NR5A2: variants seen among roughly 807,000 people sequenced by gnomAD.
NR5A2 encodes nuclear receptor subfamily 5 group A member 2.
A neutral mutation model predicts 62.7 loss-of-function variants in NR5A2; 26 were observed. The ratio of observed to expected loss-of-function variants is 0.41; its 90% CI spans 0.30 to 0.58. The LOEUF (loss-of-function observed/expected upper bound fraction) is 0.58. NR5A2 is among the 20% of genes least tolerant of loss of function. The pLI is 0.22. For missense variants in NR5A2, 541 were observed against 669.1 expected (o/e 0.81, Z 2.11); for synonymous variants, 246 against 241.7 (o/e 1.02, Z -0.16).
chr1:200,094,883 C>G (rs1181155259), intron 5 of NR5A2, among the ~76,000 whole-genome samples: 1 of 151,970 alleles, frequency 6.6e-6, no homozygotes, highest in East Asian at 1.9e-4. Flanking sequence ...GAAAAAATAG[C>G]CTTTTTAGAC....
chr1:200,169,099 C>T (rs895727247), intron 7 of NR5A2, among the ~76,000 whole-genome samples: 10 of 151,896 alleles, frequency 6.6e-5, no homozygotes, highest in African/African-American at 9.7e-5. Context: ...TTACTGGGAC[C>T]GGGAGTAGCT....
At chr1:200,083,504 G>T (rs980833995) in intron 5 of NR5A2, among the ~76,000 whole-genome samples, 1 of 152,136 alleles carries the variant, frequency 6.6e-6, no homozygotes, top group South Asian at 2.1e-4. Flanking sequence ...TGCATTTTAT[G>T]GATTCCTGTA....
intron 7 of NR5A2, among the ~76,000 whole-genome samples, chr1:200,146,070 ATAAAAT>A (rs1356345093): frequency 6.6e-6 from 1 of 152,218 alleles, no homozygotes; most frequent in African/African-American, 2.4e-5. Context: ...TGTAAATGAA[ATAAAAT>A]TATAGGATTC....
intron 5 of NR5A2, among the ~76,000 whole-genome samples, chr1:200,081,896 TA>T (rs551227478): frequency 1.0e-4 from 15 of 148,130 alleles, no homozygotes; most frequent in Admixed American, 1.4e-4. Context: ...TTACCCATAT[TA>T]AAAAAAAAAC....
At chr1:200,090,070 G>A (rs1011926385) in intron 5 of NR5A2, among the ~76,000 whole-genome samples, 5 of 152,130 alleles carry the variant, frequency 3.3e-5, no homozygotes, top group Admixed American at 1.3e-4. Flanking sequence ...TAAGATGATC[G>A]CAATTGCACA....
chr1:200,151,396 T>C (rs192443685), intron 7 of NR5A2, among the ~76,000 whole-genome samples: 41 of 152,338 alleles, frequency 2.7e-4, no homozygotes, highest in African/African-American at 9.9e-4. Flanking sequence ...GCTTTCCTTT[T>C]CTATTGATGT....
chr1:200,103,108 A>G (rs1190412695), intron 5 of NR5A2, among the ~76,000 whole-genome samples: 4 of 147,592 alleles, frequency 2.7e-5, no homozygotes, highest in Non-Finnish European at 5.9e-5. Context: ...AAATGAGTTC[A>G]TGCATGTAAA....
chr1:200,123,894 T>A (rs1392634833), intron 7 of NR5A2, among the ~76,000 whole-genome samples: 1 of 151,522 alleles, frequency 6.6e-6, no homozygotes, highest in Admixed American at 6.6e-5. Context: ...CTCCGCCTCC[T>A]GGGTTCAAGT....
chr1:200,036,235 C>T (rs1661773962), intron 1 of NR5A2, among the ~76,000 whole-genome samples: 1 of 152,172 alleles, frequency 6.6e-6, no homozygotes, highest in Non-Finnish European at 1.5e-5. Context: ...CCTCGGGAAC[C>T]CAGAACCATT....
rs565572395 is a variant in NR5A2, at chr1:200,142,505, C to CT, written c.1378+21558dup. Among the ~76,000 whole-genome samples the CT allele has an allele frequency of 4.1e-3, 628 of 151,666 alleles. 3 individuals are homozygous for CT. Among genetic ancestry groups the CT allele is most frequent in the African/African-American group, 5.1e-3 (209 of 41,318 alleles). ...GCCACTGCGCCCAGCCTAAAGACTT[C>CT]TTTTTTTTAAAAAAAAATTATTATT... On this transcript the variant is annotated intron_variant, in intron 7 of 7. Coordinates refer to ENST00000367362, the MANE Select transcript of NR5A2 (RefSeq NM_205860.3).
intron 6 of NR5A2, among the ~76,000 whole-genome samples, chr1:200,114,559 G>T (rs1196072759): frequency 2.0e-5 from 3 of 152,086 alleles, no homozygotes; most frequent in Non-Finnish European, 4.4e-5. Flanking sequence ...TACCTTTTGA[G>T]GTTCAGTGTC....
rs569134471 is a variant in NR5A2 at position 200,050,208 on chromosome 1, C to G, written c.1110+1390C>G. On this transcript the variant is annotated intron_variant, in intron 5 of 7. Transcript: ENST00000367362. ...GAACATTTTTCATGAAAAAACAAAC[C>G]ATGCAAACACTTTCCTGATATTCTT... Among the ~76,000 whole-genome samples the G allele has an allele frequency of 1.7e-3, 257 of 152,268 alleles. 14 individuals carry two copies. The highest frequency in any genetic ancestry group is 1.4e-3 in the Non-Finnish European group (96 of 68,024).
intron 7 of NR5A2, among the ~76,000 whole-genome samples, chr1:200,142,875 A>G (rs1364528805): frequency 6.6e-6 from 1 of 152,102 alleles, no homozygotes; most frequent in East Asian, 1.9e-4. Flanking sequence ...TAGATGAATA[A>G]TATCTCTATT....
Position 200,039,507 on chromosome 1 carries a change from C to A in NR5A2, c.65-151C>A. 9.5e-7 allele frequency: 1 copy of A among 1,052,956 alleles called. No homozygotes were observed. The highest frequency in any genetic ancestry group is 1.4e-6 in the Non-Finnish European group (1 of 736,208). 65.2% of individuals were successfully genotyped at this position (1,052,956 alleles called of 1,614,324 possible). A position where few individuals can be genotyped will look rare whatever the true frequency, so the allele number is the denominator to read the frequency against. On this transcript the variant is annotated intron_variant, in intron 1 of 7. Coordinates refer to ENST00000367362, the MANE Select transcript of NR5A2 (RefSeq NM_205860.3). The surrounding 1 kb of genome is among the most constrained non-coding windows in gnomAD (Gnocchi z 5.1). Reference sequence around the variant, plus strand: ...TCGCAGCTTGGGGGCGGCTCCGGAGCTGCGAGACCGGACAGGGCTCAGAGG... The same window carrying A: ...TCGCAGCTTGGGGGCGGCTCCGGAGATGCGAGACCGGACAGGGCTCAGAGG...
chr1:200,062,227 T>TTA (rs1553267511), intron 5 of NR5A2, among the ~76,000 whole-genome samples: 22 of 145,756 alleles, frequency 1.5e-4, no homozygotes, highest in African/African-American at 5.1e-4. Context: ...CTGGCAGATT[T>TTA]TGTGTGTGTG....
chr1:200,069,181 T>A (rs1237509094), intron 5 of NR5A2, among the ~76,000 whole-genome samples: 1 of 151,682 alleles, frequency 6.6e-6, no homozygotes, highest in Non-Finnish European at 1.5e-5. Context: ...ATTTTTAATA[T>A]GTATATCAAA....
rs189492143 is a variant in NR5A2, at chr1:200,171,417, G to A, written c.1379-2546G>A. Among the ~76,000 whole-genome samples, 89 of 152,150 alleles carry A rather than the reference G, an allele frequency of 5.8e-4. No individual in the cohort carries two copies. The East Asian group carries it at 0.015, about 25-fold the overall frequency. On this transcript the variant is annotated intron_variant, in intron 7 of 7. Coordinates refer to ENST00000367362, the MANE Select transcript of NR5A2 (RefSeq NM_205860.3). ...AATTGCACATATTTCCCAAGTTTTGGGGGAAAAGGGTGTCAGTTTGGACCA... is the reference window on the plus strand; with the variant it reads ...AATTGCACATATTTCCCAAGTTTTGAGGGAAAAGGGTGTCAGTTTGGACCA...
chr1:200,040,960 G>C (rs919319917), intron 2 of NR5A2, among the ~76,000 whole-genome samples: 10 of 152,232 alleles, frequency 6.6e-5, no homozygotes, highest in African/African-American at 2.4e-4. Context: ...GAGTCCCCTA[G>C]AGCTGAAGCC....
At chr1:200,034,542 G>T (rs893681185) in intron 1 of NR5A2, among the ~76,000 whole-genome samples, 2 of 142,498 alleles carry the variant, frequency 1.4e-5, no homozygotes, top group African/African-American at 2.6e-5. Context: ...CCGATATCCA[G>T]GCCAAACTCT....
Sources: allele counts gnomAD v4.1 joint callset (sites outside exome capture counted in the v4.1 genomes callset), GRCh38; gene constraint gnomAD v4.1.1; non-coding constraint Gnocchi (gnomAD v3.1); transcripts MANE v1.5; gene names NCBI Gene and HGNC (gene_info 2026-07-23, HGNC 2026-07-21).